Variants in KRT72 observed in about 807,000 individuals in gnomAD.
KRT72 encodes the protein keratin, type II cytoskeletal 72.
In KRT72, 44 loss-of-function variants were observed where a neutral mutation model predicts 44.7. The ratio of observed to expected loss-of-function variants is 0.98; its 90% CI spans 0.77 to 1.27. The LOEUF (loss-of-function observed/expected upper bound fraction) is 1.27. KRT72 is among the 50% of genes most tolerant of loss of function. The pLI, the probability that KRT72 is intolerant of heterozygous loss-of-function variation, is 0.00. For missense variants in KRT72, 736 were observed against 667.1 expected (o/e 1.10, Z -1.14); for synonymous variants, 302 against 280.4 (o/e 1.08, Z -0.77).
Position 52,586,013 on chromosome 12 carries a change from C to T in KRT72, c.1505G>A (p.Ser502Asn). ...LKDPLAKTSG[S>N]SCATKKASR The stretch of plus-strand genomic sequence containing the variant: ...GGAGGCCTTTTTGGTGGCACAGCTG[C>T]TCCCCGAGGTTTTGGCAAGGGGATC... The change falls in exon 9 of 9, where the codon AGC (serine) becomes AAC (asparagine). Residue 502 changes from serine to asparagine, a missense_variant. Coordinates refer to ENST00000293745, the MANE Select transcript of KRT72 (RefSeq NM_080747.3). The T allele has an allele frequency of 3.7e-6, 6 of 1,613,894 alleles. No homozygotes were observed. Among genetic ancestry groups the T allele is most frequent in the Non-Finnish European group, 5.1e-6 (6 of 1,179,880 alleles).
intron 8 of KRT72, 106 bp downstream of exon 8, chr12:52,586,840 C>A: frequency 9.0e-7 from 1 of 1,111,148 alleles, no homozygotes; most frequent in South Asian, 1.2e-5. Context: ...TAAGTCTCCC[C>A]TGAGCCCCCT....
chr12:52,594,756 A>T lies in KRT72; in HGVS notation c.642-1804T>A, dbSNP rs112452147. Among the ~76,000 whole-genome samples the T allele has an allele frequency of 8.6e-3, 1,280 of 148,880 alleles. 24 individuals carry two copies. The highest frequency in any genetic ancestry group is 0.049 in the East Asian group (249 of 5,114). On this transcript the variant is annotated intron_variant, in intron 2 of 8. Transcript: ENST00000293745. ...CCTAGAACTTAAAGTATAATAATTT[A>T]AAAAAAAAGCACTGTTGAATGGCTG...
chr12:52,590,770 A>G (rs1422430231), intron 6 of KRT72, 66 bp downstream of exon 6: 6 of 1,463,474 alleles, frequency 4.1e-6, no homozygotes, highest in South Asian at 1.5e-5. Flanking sequence ...CCCTTTCTTC[A>G]TATTCTGTCT....
chr12:52,593,695 A>AG (rs397695463), intron 2 of KRT72, among the ~76,000 whole-genome samples: 1 of 151,774 alleles, frequency 6.6e-6, no homozygotes, highest in African/African-American at 2.4e-5. Flanking sequence ...AAAGAAAAAA[A>AG]ATTCTACAAT....
chr12:52,595,126 G>A (rs917207868), intron 2 of KRT72, among the ~76,000 whole-genome samples: 4 of 151,928 alleles, frequency 2.6e-5, no homozygotes, highest in African/African-American at 9.7e-5. Flanking sequence ...TTGACCAAGT[G>A]GGCTATCAAA....
rs531397000 is a variant in KRT72, at chr12:52,591,064, T to C, written c.964-103A>G. The C allele has an allele frequency of 5.5e-5, 64 of 1,166,582 alleles. No homozygotes were observed. The African/African-American group carries it at 9.4e-4, about 17-fold the overall frequency. 72.3% of individuals were successfully genotyped at this position (1,166,582 alleles called of 1,614,324 possible). On this transcript the variant is annotated intron_variant, in intron 5 of 8. Transcript: ENST00000293745. ...AGGATCCTGCCCTAGTTCAACAAGATCCTCAGGTTCTCAAACATGAGAGCC... is the reference window on the plus strand; with the variant it reads ...AGGATCCTGCCCTAGTTCAACAAGACCCTCAGGTTCTCAAACATGAGAGCC...
In KRT72 at chr12:52,587,868, TC is replaced by T; in HGVS notation, c.1090-18del. The T allele has an allele frequency of 6.2e-7, 1 of 1,610,904 alleles. No homozygotes were observed. The highest frequency in any genetic ancestry group is 8.5e-7 in the Non-Finnish European group (1 of 1,177,832). On this transcript the variant is annotated intron_variant, in intron 6 of 8. Coordinates refer to ENST00000293745, the MANE Select transcript of KRT72 (RefSeq NM_080747.3). ...ATCGGCACACTGAGGGGCAAACAGA[TC>T]CAGCACTTAAGAGTCAGAGCCCAGT... is the stretch of plus-strand genomic sequence containing the variant.
intron 1 of KRT72, among the ~76,000 whole-genome samples, chr12:52,600,452 C>A (rs1317209460): frequency 6.6e-6 from 1 of 152,190 alleles, no homozygotes; most frequent in East Asian, 1.9e-4. Flanking sequence ...GCTGTGTCCC[C>A]ACCCAAATCT....
In KRT72 at chr12:52,588,892, C is replaced by T. The variant is rs577872751; in HGVS notation, c.1090-1041G>A. On this transcript the variant is annotated intron_variant, in intron 6 of 8. Transcript: ENST00000293745. ...GCAGCTGCCTGTGGTCCCAGCTACT[C>T]GAGAGGCTGAGGCAGGAGAGTCACT... is the stretch of plus-strand genomic sequence containing the variant. Among the ~76,000 whole-genome samples, 5 of 151,998 alleles carry T rather than the reference C, an allele frequency of 3.3e-5. No individual in the cohort carries two copies. The South Asian group carries it at 8.3e-4, about 25-fold the overall frequency.
chr12:52,601,454 G>A lies in KRT72; in HGVS notation c.-2C>T, dbSNP rs957696414. 26 of 1,535,322 alleles carry A rather than the reference G, an allele frequency of 1.7e-5. No individual in the cohort carries two copies. The highest frequency in any genetic ancestry group is 3.9e-5 in the Admixed American group (2 of 50,992). ...GAAATGGGTCAGTTGGCGGCTCATG[G>A]CTCGCAAGTACCGGTGCTGGCCGCG... On this transcript the variant is annotated 5_prime_UTR_variant, in exon 1 of 9. Coordinates refer to ENST00000293745, the MANE Select transcript of KRT72 (RefSeq NM_080747.3).
Position 52,598,969 on chromosome 12 carries a change from C to T in KRT72, c.570G>A (p.Leu190=). The change falls in exon 2 of 9, where the codon CTG becomes CTA. Residue 190 remains leucine, a synonymous_variant. Transcript: ENST00000293745. ...ISNLQKQLEM[L]SGDGVRLDSE... Reference sequence around the variant, plus strand: ...AATCCAGCCTCACCCCGTCCCCAGACAGCATCTCCAGCTGCTTCTGCAGGT... The same window carrying T: ...AATCCAGCCTCACCCCGTCCCCAGATAGCATCTCCAGCTGCTTCTGCAGGT... 39 of 1,614,232 alleles carry T rather than the reference C, an allele frequency of 2.4e-5. No individual in the cohort carries two copies. The highest frequency in any genetic ancestry group is 3.3e-5 in the Non-Finnish European group (39 of 1,180,038).
At chr12:52,589,493 C>T (rs1193232211) in intron 6 of KRT72, among the ~76,000 whole-genome samples, 3 of 152,220 alleles carry the variant, frequency 2.0e-5, no homozygotes, top group Non-Finnish European at 4.4e-5. Flanking sequence ...ACCAAGATCC[C>T]ACACAGTGAA....
At chr12:52,592,559 A>C (rs1475637591) in intron 3 of KRT72, 68 bp from the exon 4 acceptor site, 2 of 1,193,716 alleles carry the variant, frequency 1.7e-6, no homozygotes. Flanking sequence ...TCCCTGCCAC[A>C]GGAAGCCTTG....
At chr12:52,601,490 A>G (rs1940462075), upstream of KRT72, 2 of 1,508,974 alleles carry the variant, frequency 1.3e-6, no homozygotes, top group South Asian at 2.4e-5. Context: ...CGGGAGGCAG[A>G]AGGGGCGCAA....
chr12:52,588,650 C>T (rs1026417736), intron 6 of KRT72, among the ~76,000 whole-genome samples: 10 of 152,144 alleles, frequency 6.6e-5, no homozygotes, highest in African/African-American at 2.4e-4. Context: ...ACCTGCACAT[C>T]CCGTACATGT....
At chr12:52,601,534 T>A, upstream of KRT72, 1 of 1,403,976 alleles carries the variant, frequency 7.1e-7, no homozygotes, top group Non-Finnish European at 9.6e-7. Flanking sequence ...GCTCGCCCCT[T>A]AAATAGCCTG....
intron 2 of KRT72, among the ~76,000 whole-genome samples, chr12:52,596,292 AG>A (rs1940223266): frequency 1.3e-5 from 2 of 152,210 alleles, no homozygotes; most frequent in African/African-American, 4.8e-5. Flanking sequence ...CACTCACCTA[AG>A]AATGGAAAAC....
At chr12:52,592,237 T>A (rs1429997697) in intron 4 of KRT72, among the ~76,000 whole-genome samples, 159 bp downstream of exon 4, 1 of 152,120 alleles carries the variant, frequency 6.6e-6, no homozygotes, top group Non-Finnish European at 1.5e-5. Context: ...AAAACCTAGC[T>A]CATTGTTCAG....
At position 52,586,127 on chromosome 12, in the gene KRT72, C is replaced by T. The variant is rs1939735609; in HGVS notation, c.1391G>A (p.Ser464Asn). 6.2e-7 allele frequency: 1 copy of T among 1,614,040 alleles called. No homozygotes were observed. The highest frequency in any genetic ancestry group is 1.7e-5 in the Admixed American group (1 of 60,010). Residue 464 changes from serine (S) to asparagine (N), a missense_variant, in exon 9 of 9, where the codon AGC becomes AAC. Physicochemically the swap from Ser to Asn is conservative, Grantham distance 46. Coordinates refer to ENST00000293745, the MANE Select transcript of KRT72 (RefSeq NM_080747.3). ...ACTGCTTGAGGCGCCAAAGCCCATG[C>T]TGAAGCCAGCCCCTCCTGCCCCAGC... ...TNAGAGGAGFSMGFGASSSYS... is the reference protein window; with the variant it reads ...TNAGAGGAGFNMGFGASSSYS...
Sources: allele counts gnomAD v4.1 joint callset (sites outside exome capture counted in the v4.1 genomes callset), GRCh38; gene constraint gnomAD v4.1.1; transcripts MANE v1.5; gene names NCBI Gene and HGNC (gene_info 2026-07-23, HGNC 2026-07-21).